The following RGS6 variants were observed in gnomAD, a reference collection of about 807,000 sequenced individuals.
The protein encoded by RGS6 is regulator of G protein signaling 6, also known as regulator of G-protein signaling 6.
A neutral mutation model predicts 78.5 loss-of-function variants in RGS6; 30 were observed. The observed-to-expected ratio is 0.38, with a 90% CI of 0.29 to 0.52. The LOEUF (loss-of-function observed/expected upper bound fraction) is 0.52, where lower values mean the gene tolerates loss of function less well. Among genes scored for constraint, RGS6 ranks in the 20% least tolerant of loss-of-function variants. The pLI is 0.85. For missense variants in RGS6, 495 were observed against 609.7 expected, an observed-to-expected ratio of 0.81 and a Z score of 1.98; for synonymous variants, 206 against 206.0, an observed-to-expected ratio of 1.00 and a Z score of 0.00.
At chr14:72,049,238 TTCTA>T (rs1456094334) in intron 2 of RGS6, among the ~76,000 whole-genome samples, 3 of 152,174 alleles carry the variant, frequency 2.0e-5, no homozygotes, top group African/African-American at 4.8e-5. Flanking sequence ...TTGGAAAACT[TTCTA>T]GTAATAGCAG....
At position 71,964,807 on chromosome 14, in the gene RGS6, G is replaced by A. The variant is rs147092439; in HGVS notation, c.16G>A (p.Gly6Arg). The change falls in exon 2 of 18, where the codon GGG becomes AGG. Residue 6 changes from glycine to arginine, a missense_variant. By Grantham distance (125) the Gly-to-Arg change is moderately radical. Transcript: ENST00000553525. MAQGS[G>R]DQRAVGVADP... is the part of the protein sequence containing the mutation. ...GACACTCAGGATGGCTCAAGGATCC[G>A]GGGATCAAAGAGCAGTGGGGGTTGC... 7.6e-4 allele frequency: 1,230 copies of A among 1,613,374 alleles called. No homozygotes were observed. Among genetic ancestry groups the A allele is most frequent in the Non-Finnish European group, 9.9e-4 (1,172 of 1,179,742 alleles).
In RGS6 at chr14:72,564,735, C is replaced by T. The variant is rs140779196; in HGVS notation, c.*2268C>T. The T allele has an allele frequency of 6.6e-6, 1 of 152,442 alleles. No homozygotes were observed. The highest frequency in any genetic ancestry group is 1.9e-4 in the East Asian group (1 of 5,170). 9.4% of individuals were successfully genotyped at this position (152,442 alleles called of 1,614,324 possible). A position where few individuals can be genotyped will look rare whatever the true frequency, so the allele number is the denominator to read the frequency against. ...CCTTCTCCTTCTGACTGGTCTCACCCTGGAGATCCCCAGAGGATCTGACCA... is the reference window on the plus strand; with the variant it reads ...CCTTCTCCTTCTGACTGGTCTCACCTTGGAGATCCCCAGAGGATCTGACCA... On this transcript the variant is annotated 3_prime_UTR_variant, in exon 18 of 18. Transcript: ENST00000553525.
the RGS6 span, among the ~76,000 whole-genome samples, chr14:72,584,230 C>T: frequency 6.6e-6 from 1 of 151,994 alleles, no homozygotes; most frequent in African/African-American, 2.4e-5. Flanking sequence ...ATTCACTTAG[C>T]CAGTCATTCA....
At chr14:72,267,609 T>A (rs2059276049) in intron 2 of RGS6, among the ~76,000 whole-genome samples, 2 of 152,166 alleles carry the variant, frequency 1.3e-5, no homozygotes, top group Admixed American at 1.3e-4. Context: ...CATGATTGGG[T>A]GCTGACAGGA....
chr14:72,358,635 T>A (rs2080852897), intron 3 of RGS6, among the ~76,000 whole-genome samples: 1 of 152,250 alleles, frequency 6.6e-6, no homozygotes, highest in African/African-American at 2.4e-5. Flanking sequence ...ACAGGTATAT[T>A]TACCCAGTGC....
chr14:71,959,332 A>G (rs539709087), intron 1 of RGS6, among the ~76,000 whole-genome samples: 88 of 100,660 alleles, frequency 8.7e-4, no homozygotes, highest in African/African-American at 3.4e-3. Context: ...TGATGTCAGA[A>G]AAAAAAAATC....
chr14:72,521,775 C>G (rs947691146), intron 15 of RGS6, among the ~76,000 whole-genome samples: 1 of 152,084 alleles, frequency 6.6e-6, no homozygotes, highest in African/African-American at 2.4e-5. Flanking sequence ...TCTTCCTTTC[C>G]TCATCTGTAG....
chr14:72,173,503 C>T (rs1470615376), intron 2 of RGS6, among the ~76,000 whole-genome samples: 1 of 152,214 alleles, frequency 6.6e-6, no homozygotes, highest in Admixed American at 6.5e-5. Context: ...ATGCCATCTT[C>T]ATGCTTTGAC....
the RGS6 span, among the ~76,000 whole-genome samples, chr14:71,880,896 C>A: frequency 6.6e-6 from 1 of 152,214 alleles, no homozygotes. Flanking sequence ...CAACAGCTTG[C>A]ACCATGCACC....
At chr14:72,523,001 C>T (rs1014367587) in intron 15 of RGS6, among the ~76,000 whole-genome samples, 4 of 152,190 alleles carry the variant, frequency 2.6e-5, no homozygotes, top group Admixed American at 6.5e-5. Context: ...TTGAGTGTTG[C>T]GGAGCAGAGG....
intron 2 of RGS6, among the ~76,000 whole-genome samples, chr14:72,312,697 G>A (rs2068948496): frequency 6.6e-6 from 1 of 152,162 alleles, no homozygotes; most frequent in African/African-American, 2.4e-5. Flanking sequence ...CAGGAGTAAT[G>A]AATTATACAC....
chr14:72,594,668 C>T, the RGS6 span: 1 of 152,168 alleles, frequency 6.6e-6, no homozygotes, highest in African/African-American at 2.4e-5. Context: ...ACCACTTCCT[C>T]GCTCTCCTCA....
intron 8 of RGS6, among the ~76,000 whole-genome samples, chr14:72,472,406 C>T (rs2153322708): frequency 6.6e-6 from 1 of 152,272 alleles, no homozygotes; most frequent in Non-Finnish European, 1.5e-5. Flanking sequence ...ATTTTAAAGA[C>T]ATTTATTTCT....
the RGS6 span, among the ~76,000 whole-genome samples, chr14:71,903,069 G>C: frequency 2.0e-5 from 3 of 152,208 alleles, no homozygotes; most frequent in Non-Finnish European, 4.4e-5. Flanking sequence ...AGGTATGGCA[G>C]GGTTAAGCCC....
rs544129324 is a variant in RGS6 at position 72,467,532 on chromosome 14, C to G, written c.459+1710C>G. ...GCCAGCTGGGCCATCGCTCCCCTCTCTACAGCCCAAGTGTGAATGCGCATG... is the reference window on the plus strand; with the variant it reads ...GCCAGCTGGGCCATCGCTCCCCTCTGTACAGCCCAAGTGTGAATGCGCATG... On this transcript the variant is annotated intron_variant, in intron 7 of 17. Transcript: ENST00000553525. Among the ~76,000 whole-genome samples the G allele has an allele frequency of 2.0e-5, 3 of 152,310 alleles. 1 individual carries two copies. In the South Asian group the frequency reaches 6.2e-4, roughly 32 times the overall value.
At chr14:72,175,865 C>T (rs568982411) in intron 2 of RGS6, among the ~76,000 whole-genome samples, 1 of 152,178 alleles carries the variant, frequency 6.6e-6, no homozygotes, top group South Asian at 2.1e-4. Context: ...AGGAAACTGA[C>T]CTAGATTATG....
the RGS6 span, among the ~76,000 whole-genome samples, chr14:72,598,405 T>G: frequency 0.05 from 7,608 of 152,328 alleles, 674 homozygotes; most frequent in African/African-American, 0.17. Context: ...GAGGCTAATT[T>G]TGATGCAAGA....
rs563043609 is a variant in RGS6 at position 72,413,116 on chromosome 14, A to G, written c.185-41412A>G. On this transcript the variant is annotated intron_variant, in intron 3 of 17. Coordinates refer to ENST00000553525, the MANE Select transcript of RGS6 (RefSeq NM_001204424.2). ...GTGCAGACCTGAGTTCAATTCCTGG[A>G]TATCCTTGTTAACTTTCTGTCTCGT... Among the ~76,000 whole-genome samples, 89 of 152,180 alleles carry G rather than the reference A, an allele frequency of 5.8e-4. 1 individual carries two copies. Among genetic ancestry groups the G allele is most frequent in the African/African-American group, 1.9e-3 (78 of 41,530 alleles).
chr14:72,274,866 G>T (rs1357352664), intron 2 of RGS6, among the ~76,000 whole-genome samples: 1 of 152,220 alleles, frequency 6.6e-6, no homozygotes, highest in African/African-American at 2.4e-5. Context: ...CATTTGTGCT[G>T]CTTTAAGTCA....
Sources: allele counts gnomAD v4.1 joint callset (sites outside exome capture counted in the v4.1 genomes callset), GRCh38; gene constraint gnomAD v4.1.1; transcripts MANE v1.5; gene names NCBI Gene and HGNC (gene_info 2026-07-23, HGNC 2026-07-21).